ERVMER34-1: variants seen among roughly 807,000 people sequenced by gnomAD.
The protein encoded by ERVMER34-1 is endogenous retroviral envelope protein HEMO.
For synonymous variants in ERVMER34-1, 199 were observed against 111.7 expected (o/e 1.78, Z -4.93); for missense variants, 471 against 295.1 (o/e 1.60, Z -4.37).
rs376456975 is a variant in ERVMER34-1 at position 52,744,243 on chromosome 4, C to T, written c.1278G>A (p.Leu426=). Residue 426 remains leucine, a synonymous_variant, in exon 3 of 3, where the codon TTG becomes TTA. Coordinates refer to ENST00000443173, the MANE Select transcript of ERVMER34-1 (RefSeq NM_001242690.2). ...LASASRKDHV[L]DIPTTQRQTA... is the part of the protein sequence containing the mutation. ...TTTGTCGTTGGGTGGTCGGTATATC[C>T]AAGACATGATCCTTTCGGGATGCAG... is the stretch of plus-strand genomic sequence containing the variant. 210 of 703,962 alleles carry T rather than the reference C, an allele frequency of 3.0e-4. No homozygotes were observed. Among genetic ancestry groups the T allele is most frequent in the Non-Finnish European group, 5.0e-4 (191 of 385,014 alleles). The allele number at this position is 703,962 out of a possible 1,614,324, so 43.6% of individuals were successfully genotyped here.
rs73815974 is a variant in ERVMER34-1, at chr4:52,743,240, C to T, written c.*589G>A. ...AAATGCCCATGGGAAATCAGGAAAG[C>T]TCAGATCATACCAGCCTAAATTATT... On this transcript the variant is annotated 3_prime_UTR_variant, in exon 3 of 3. Transcript: ENST00000443173. 1 of 152,312 alleles carries T rather than the reference C, an allele frequency of 6.6e-6. No individual in the cohort carries two copies. Among genetic ancestry groups the T allele is most frequent in the African/African-American group, 2.4e-5 (1 of 41,570 alleles). The allele number at this position is 152,312 out of a possible 1,614,324, so 9.4% of individuals were successfully genotyped here.
intron 2 of ERVMER34-1, among the ~76,000 whole-genome samples, chr4:52,748,915 G>A (rs1716215780): frequency 6.6e-6 from 1 of 151,974 alleles, no homozygotes; most frequent in Non-Finnish European, 1.5e-5. Flanking sequence ...GAATGCAGTG[G>A]TGCAAGCATG....
chr4:52,749,735 G>A, intron 2 of ERVMER34-1, among the ~76,000 whole-genome samples: 1 of 152,258 alleles, frequency 6.6e-6, no homozygotes, highest in East Asian at 1.9e-4. Flanking sequence ...GTTGCAGTGA[G>A]CCGAGATGGC....
Position 52,745,701 on chromosome 4 carries a change from C to T in ERVMER34-1, c.-181G>A. On this transcript the variant is annotated 5_prime_UTR_variant, in exon 3 of 3. Transcript: ENST00000443173. ...CTGAGATACTGAGTAAAGCTGTCTACTTCATCTGCTCATGGAGCCTGTGAG... is the reference window on the plus strand; with the variant it reads ...CTGAGATACTGAGTAAAGCTGTCTATTTCATCTGCTCATGGAGCCTGTGAG... 1.7e-6 allele frequency: 1 copy of T among 593,628 alleles called. No individual in the cohort carries two copies. Among genetic ancestry groups the T allele is most frequent in the South Asian group, 2.1e-5 (1 of 48,380 alleles). 36.8% of individuals were successfully genotyped at this position (593,628 alleles called of 1,614,324 possible).
Position 52,743,837 on chromosome 4 carries a change from G to T in ERVMER34-1, c.1684C>A (p.Leu562Ile). 1.3e-6 allele frequency: 2 copies of T among 1,489,170 alleles called. No individual in the cohort carries two copies. The highest frequency in any genetic ancestry group is 1.3e-5 in the South Asian group (1 of 75,458). 92.2% of individuals were successfully genotyped at this position (1,489,170 alleles called of 1,614,324 possible). Residue 562 changes from leucine (L) to isoleucine (I), a missense_variant, in exon 3 of 3, where the codon CTA becomes ATA. By Grantham distance (5) the Leu-to-Ile change is conservative. Coordinates refer to ENST00000443173, the MANE Select transcript of ERVMER34-1 (RefSeq NM_001242690.2). ...TGTTTGTTCAGATATTCTCAAAGTA[G>T]ACTTGTGTCATATTGATGGGTTGTT... ...GLTTHQYDTS[L>I]L
At position 52,744,868 on chromosome 4, in the gene ERVMER34-1, G is replaced by A; in HGVS notation, c.653C>T (p.Ser218Phe). ...GTCATTACCTGACCAGGTCAATCCA[G>A]AATTTCGATCTACCCATTTGTAGTC... ...TQDYKWVDRN[S>F]GLTWSGNDTC... The change falls in exon 3 of 3, where the codon TCT (serine) becomes TTT (phenylalanine). Residue 218 changes from serine to phenylalanine, a missense_variant. Physicochemically the swap from Ser to Phe is radical, Grantham distance 155. Transcript: ENST00000443173. The A allele has an allele frequency of 1.4e-6, 1 of 704,104 alleles. No individual in the cohort carries two copies. The highest frequency in any genetic ancestry group is 1.5e-5 in the South Asian group (1 of 67,600). The allele number at this position is 704,104 out of a possible 1,614,324, so 43.6% of individuals were successfully genotyped here. A position where few individuals can be genotyped will look rare whatever the true frequency, so the allele number is the denominator to read the frequency against.
At position 52,744,561 on chromosome 4, in the gene ERVMER34-1, C is replaced by T; in HGVS notation, c.960G>A (p.Gly320=). ...PPKWSGRCGL[G]YLVPSLTRYL... ...ATCTGGTGAGGGAAGGTACAAGATA[C>T]CCAAGTCCACATCGCCCAGACCATT... is the stretch of plus-strand genomic sequence containing the variant. The change falls in exon 3 of 3, where the codon GGG becomes GGA. Residue 320 remains glycine (G), a synonymous_variant. Coordinates refer to ENST00000443173, the MANE Select transcript of ERVMER34-1 (RefSeq NM_001242690.2). 1.4e-6 allele frequency: 1 copy of T among 703,990 alleles called. No individual in the cohort carries two copies. Among genetic ancestry groups the T allele is most frequent in the Non-Finnish European group, 2.6e-6 (1 of 384,984 alleles). 43.6% of individuals were successfully genotyped at this position (703,990 alleles called of 1,614,324 possible).
intron 2 of ERVMER34-1, 81 bp from the exon 3 acceptor site, chr4:52,746,024 A>G (rs1716148180): frequency 6.4e-6 from 1 of 157,184 alleles, no homozygotes; most frequent in Non-Finnish European, 1.4e-5. Context: ...TATACTAATT[A>G]TTGTATATAA....
In ERVMER34-1 at chr4:52,744,223, C is replaced by T. The variant is rs1306296741; in HGVS notation, c.1298G>A (p.Arg433Gln). Residue 433 changes from arginine to glutamine, a missense_variant, in exon 3 of 3, where the codon CGA becomes CAA. Transcript: ENST00000443173. ...GCCAACAGTTCCACAAGCCGTTTGTCGTTGGGTGGTCGGTATATCCAAGAC... is the reference window on the plus strand; with the variant it reads ...GCCAACAGTTCCACAAGCCGTTTGTTGTTGGGTGGTCGGTATATCCAAGAC... The part of the protein sequence containing the change: ...DHVLDIPTTQ[R>Q]QTACGTVGKQ... The T allele has an allele frequency of 1.4e-5, 10 of 704,042 alleles. No individual in the cohort carries two copies. Among genetic ancestry groups the T allele is most frequent in the East Asian group, 5.4e-5 (2 of 37,296 alleles). The allele number at this position is 704,042 out of a possible 1,614,324, so 43.6% of individuals were successfully genotyped here. A position where few individuals can be genotyped will look rare whatever the true frequency, so the allele number is the denominator to read the frequency against.
At position 52,745,604 on chromosome 4, in the gene ERVMER34-1, A is replaced by C. The variant is rs1716132770; in HGVS notation, c.-84T>G. ...AGGGGAGGGTTTTGTTTAAATTTCT[A>C]AGTCAGAGAATTTTCCAGGTTGAGG... On this transcript the variant is annotated 5_prime_UTR_variant, in exon 3 of 3. Transcript: ENST00000443173. The C allele has an allele frequency of 1.6e-6, 1 of 631,836 alleles. No homozygotes were observed. Among genetic ancestry groups the C allele is most frequent in the Non-Finnish European group, 2.8e-6 (1 of 353,080 alleles). 39.1% of individuals were successfully genotyped at this position (631,836 alleles called of 1,614,324 possible). A position where few individuals can be genotyped will look rare whatever the true frequency, so the allele number is the denominator to read the frequency against.
rs776141622 is a variant in ERVMER34-1 at position 52,746,204 on chromosome 4, C to T, written c.-423-261G>A. On this transcript the variant is annotated intron_variant, in intron 2 of 2. Transcript: ENST00000443173. ...TTTGTTTGTTTCTTATTTTTTGTAGCGATGGAGGTCGCACTTTGTTGCCCA... is the reference window on the plus strand; with the variant it reads ...TTTGTTTGTTTCTTATTTTTTGTAGTGATGGAGGTCGCACTTTGTTGCCCA... Among the ~76,000 whole-genome samples the T allele has an allele frequency of 5.3e-5, 8 of 151,970 alleles. No homozygotes were observed. The South Asian group carries it at 6.2e-4, about 12-fold the overall frequency.
Position 52,743,721 on chromosome 4 carries a change from G to GAA in ERVMER34-1, c.*106_*107dup, listed in dbSNP as rs1716069474. The stretch of plus-strand genomic sequence containing the variant: ...CTAGTGCTAAGTGCCCTTATAAGAG[G>GAA]AACACTCAGAGGAGGGTTTTGGCAG... On this transcript the variant is annotated 3_prime_UTR_variant, in exon 3 of 3. Transcript: ENST00000443173. 6.0e-6 allele frequency: 6 copies of GAA among 998,366 alleles called. No homozygotes were observed. The Admixed American group carries it at 1.8e-4, about 29-fold the overall frequency. The allele number at this position is 998,366 out of a possible 1,614,324, so 61.8% of individuals were successfully genotyped here.
chr4:52,744,547 G>A lies in ERVMER34-1; in HGVS notation c.974C>T (p.Ser325Phe). The change falls in exon 3 of 3, where the codon TCC becomes TTC. Residue 325 changes from serine (S) to phenylalanine (F), a missense_variant. Physicochemically the swap from Ser to Phe is radical, Grantham distance 155 (BLOSUM62 -2). Transcript: ENST00000443173. ...GRCGLGYLVP[S>F]LTRYLTLNAS... ...ATTTAAGGTGAGGTATCTGGTGAGG[G>A]AAGGTACAAGATACCCAAGTCCACA... The A allele has an allele frequency of 1.4e-6, 1 of 704,044 alleles. No individual in the cohort carries two copies. Among genetic ancestry groups the A allele is most frequent in the East Asian group, 2.7e-5 (1 of 37,288 alleles). The allele number at this position is 704,044 out of a possible 1,614,324, so 43.6% of individuals were successfully genotyped here.
At chr4:52,747,834 T>C (rs1577734737) in intron 2 of ERVMER34-1, among the ~76,000 whole-genome samples, 1 of 152,026 alleles carries the variant, frequency 6.6e-6, no homozygotes, top group South Asian at 2.1e-4. Flanking sequence ...GGTTGGGAGG[T>C]CGAGACCAGC....
At chr4:52,748,305 A>G (rs2086070098) in intron 2 of ERVMER34-1, 1 of 161,576 alleles carries the variant, frequency 6.2e-6, no homozygotes, top group Non-Finnish European at 1.4e-5. Flanking sequence ...ATTTTTGCAT[A>G]TCACATATGA....
intron 2 of ERVMER34-1, among the ~76,000 whole-genome samples, chr4:52,749,327 C>A (rs1053584847): frequency 1.6e-4 from 24 of 152,134 alleles, no homozygotes; most frequent in Non-Finnish European, 3.4e-4. Flanking sequence ...CTTACAGTTC[C>A]ATAAAAGAGT....
rs1315200774 is a variant in ERVMER34-1, at chr4:52,744,119, G to A, written c.1402C>T (p.Leu468=). The change falls in exon 3 of 3, where the codon CTG becomes TTG. Residue 468 remains leucine (L), a synonymous_variant. Transcript: ENST00000443173. Reference sequence around the variant, plus strand: ...CAATCAAGTAACGGTACATTCTTCAGGTTCTCGGATGCTTCGTGGAGACGC... The same window carrying A: ...CAATCAAGTAACGGTACATTCTTCAAGTTCTCGGATGCTTCGTGGAGACGC... ...IQRLHEASEN[L]KNVPLLDWQG... 1 of 704,108 alleles carries A rather than the reference G, an allele frequency of 1.4e-6. No homozygotes were observed. Among genetic ancestry groups the A allele is most frequent in the Non-Finnish European group, 2.6e-6 (1 of 385,004 alleles). 43.6% of individuals were successfully genotyped at this position (704,108 alleles called of 1,614,324 possible).
In ERVMER34-1 at chr4:52,743,766, T is replaced by C. The variant is rs1716070171; in HGVS notation, c.*63A>G. The C allele has an allele frequency of 2.1e-6, 3 of 1,419,040 alleles. No individual in the cohort carries two copies. Among genetic ancestry groups the C allele is most frequent in the Non-Finnish European group, 2.8e-6 (3 of 1,082,442 alleles). The allele number at this position is 1,419,040 out of a possible 1,614,324, so 87.9% of individuals were successfully genotyped here. A position where few individuals can be genotyped will look rare whatever the true frequency, so the allele number is the denominator to read the frequency against. ...TGGCAGCTGAATTCTCGGTAAGACC[T>C]GCTTTACTCATCAAAGTTTAGCTAA... On this transcript the variant is annotated 3_prime_UTR_variant, in exon 3 of 3. Coordinates refer to ENST00000443173, the MANE Select transcript of ERVMER34-1 (RefSeq NM_001242690.2).
In ERVMER34-1 at chr4:52,742,630, C is replaced by T. The variant is rs1232517780; in HGVS notation, c.*1199G>A. ...TCCCCTTTTTTAAAATAAAAAGTAA[C>T]ATACGAGGCTGGGTGCAGTGGCTCA... On this transcript the variant is annotated 3_prime_UTR_variant, in exon 3 of 3. Coordinates refer to ENST00000443173, the MANE Select transcript of ERVMER34-1 (RefSeq NM_001242690.2). 1 of 151,944 alleles carries T rather than the reference C, an allele frequency of 6.6e-6. No individual in the cohort carries two copies. Among genetic ancestry groups the T allele is most frequent in the Non-Finnish European group, 1.5e-5 (1 of 68,016 alleles). The allele number at this position is 151,944 out of a possible 1,614,324, so 9.4% of individuals were successfully genotyped here. A position where few individuals can be genotyped will look rare whatever the true frequency, so the allele number is the denominator to read the frequency against.
Sources: allele counts gnomAD v4.1 joint callset (sites outside exome capture counted in the v4.1 genomes callset), GRCh38; gene constraint gnomAD v4.1.1; transcripts MANE v1.5; gene names NCBI Gene and HGNC (gene_info 2026-07-23, HGNC 2026-07-21).